DNMBP: variants seen among roughly 807,000 people sequenced by gnomAD.
The protein encoded by DNMBP is dynamin binding protein.
Under a neutral mutation model 150.0 loss-of-function variants are expected in DNMBP, and 87 were observed. The ratio of observed to expected loss-of-function variants is 0.58; its 90% CI spans 0.49 to 0.69. The LOEUF (loss-of-function observed/expected upper bound fraction) is 0.69, where lower values mean the gene tolerates loss of function less well. Ranked by LOEUF, DNMBP falls within the 30% of genes least tolerant of loss-of-function variation. DNMBP has a pLI of 0.00. For missense variants in DNMBP, 1,774 were observed against 1,949.0 expected (o/e 0.91, Z 1.69); for synonymous variants, 711 against 750.4 (o/e 0.95, Z 0.86).
At chr10:99,905,921 CAT>C (rs2039819537) in intron 6 of DNMBP, among the ~76,000 whole-genome samples, 1 of 152,122 alleles carries the variant, frequency 6.6e-6, no homozygotes, top group Non-Finnish European at 1.5e-5. Context: ...GGTGAGCTGT[CAT>C]TGTGCCACTG....
chr10:99,941,508 G>A (rs1166964997), intron 4 of DNMBP, among the ~76,000 whole-genome samples: 1 of 146,040 alleles, frequency 6.8e-6, no homozygotes, highest in Non-Finnish European at 1.5e-5. Flanking sequence ...CACTCTTGTT[G>A]CCCAGACTGG....
chr10:99,918,844 C>T (rs143341706), intron 4 of DNMBP, among the ~76,000 whole-genome samples: 1 of 152,236 alleles, frequency 6.6e-6, no homozygotes, highest in African/African-American at 2.4e-5. Context: ...TGAACACTCA[C>T]CAAATACACA....
intron 4 of DNMBP, among the ~76,000 whole-genome samples, chr10:99,915,073 A>C (rs1379986102): frequency 7.1e-6 from 1 of 139,916 alleles, no homozygotes; most frequent in Non-Finnish European, 1.5e-5. Context: ...CAGCCTGGGC[A>C]ACAAGTGTGA....
chr10:99,973,073 C>T (rs1724766818), intron 1 of DNMBP, among the ~76,000 whole-genome samples: 1 of 143,596 alleles, frequency 7.0e-6, no homozygotes, highest in Admixed American at 7.2e-5. Context: ...TGAGCCACTG[C>T]CTGCGGCATT....
chr10:99,933,839 C>T (rs2040190587), intron 4 of DNMBP, among the ~76,000 whole-genome samples: 1 of 152,208 alleles, frequency 6.6e-6, no homozygotes, highest in Non-Finnish European at 1.5e-5. Flanking sequence ...CAGGTTCACA[C>T]CATTCTCCTG....
At chr10:99,994,574 CCTCTA>C (rs1292212547) in intron 1 of DNMBP, among the ~76,000 whole-genome samples, 2 of 152,142 alleles carry the variant, frequency 1.3e-5, no homozygotes, top group Non-Finnish European at 2.9e-5. Flanking sequence ...TTGACGTGCC[CCTCTA>C]CTCTAAGCTC....
rs1371686123 is a variant in DNMBP, at chr10:99,877,342, T to TGAGG, written c.4549-10_4549-7dup. 11 of 1,597,696 alleles carry TGAGG rather than the reference T, an allele frequency of 6.9e-6. No individual in the cohort carries two copies. The highest frequency in any genetic ancestry group is 9.4e-6 in the Non-Finnish European group (11 of 1,171,676). On this transcript the variant is annotated splice_region_variant and splice_polypyrimidine_tract_variant and intron_variant, in intron 16 of 16. Transcript: ENST00000324109. ...GTGTAGACAGCAAAATAGACCTGTG[T>TGAGG]GAGGGAGAGAGAGAAAATGGGAAAT...
intron 15 of DNMBP, among the ~76,000 whole-genome samples, chr10:99,883,238 C>T (rs2039397345): frequency 6.6e-6 from 1 of 152,072 alleles, no homozygotes; most frequent in Non-Finnish European, 1.5e-5. Flanking sequence ...CTGTAAATCA[C>T]TCTCCCTCCA....
chr10:99,988,134 A>G (rs2040848731), intron 1 of DNMBP, among the ~76,000 whole-genome samples: 1 of 152,184 alleles, frequency 6.6e-6, no homozygotes, highest in Non-Finnish European at 1.5e-5. Context: ...TCCTGCGTCC[A>G]ATGAGATGAC....
At chr10:99,893,117 C>G (rs772871105) in intron 11 of DNMBP, among the ~76,000 whole-genome samples, 4 of 152,118 alleles carry the variant, frequency 2.6e-5, no homozygotes, top group South Asian at 2.1e-4. Context: ...TATTTTTTAC[C>G]TCTCTTGCAG....
intron 3 of DNMBP, among the ~76,000 whole-genome samples, chr10:99,962,460 T>C (rs771545201): frequency 6.6e-6 from 1 of 152,150 alleles, no homozygotes; most frequent in Non-Finnish European, 1.5e-5. Context: ...TGAAACCCTG[T>C]CTCTACTAAA....
intron 3 of DNMBP, among the ~76,000 whole-genome samples, chr10:99,963,235 A>ATT (rs922376664): frequency 1.3e-5 from 2 of 148,842 alleles, no homozygotes; most frequent in African/African-American, 4.9e-5. Context: ...TGCCCAGCTA[A>ATT]TTTTTTTTTT....
rs71009782 is a variant in DNMBP, at chr10:99,883,638, C to CAAAAAAAAAAAAAAA, written c.3997+358_3997+372dup. 4.4e-4 allele frequency among the ~76,000 whole-genome samples: 29 copies of CAAAAAAAAAAAAAAA among 65,616 alleles called. 1 individual carries two copies. Among genetic ancestry groups the CAAAAAAAAAAAAAAA allele is most frequent in the African/African-American group, 1.4e-3 (28 of 20,100 alleles). 43.0% of individuals were successfully genotyped at this position (65,616 alleles called of 152,430 possible). ...CCTGGATAACAGAGCAAGACTGCCA[C>CAAAAAAAAAAAAAAA]AAAAAAAAAAAAAAAAAAAAAAAAA... On this transcript the variant is annotated intron_variant, in intron 15 of 16. Transcript: ENST00000324109.
intron 4 of DNMBP, among the ~76,000 whole-genome samples, chr10:99,919,437 C>A (rs1403518878): frequency 6.6e-6 from 1 of 152,164 alleles, no homozygotes; most frequent in Non-Finnish European, 1.5e-5. Context: ...TTTTATATAT[C>A]TTTTACAACT....
chr10:100,002,127 T>C (rs564040484), intron 1 of DNMBP, among the ~76,000 whole-genome samples: 2 of 152,130 alleles, frequency 1.3e-5, no homozygotes, highest in Non-Finnish European at 2.9e-5. Flanking sequence ...AATGATATAG[T>C]GCAATGTTAA....
At chr10:99,990,772 T>TAC (rs1474833537) in intron 1 of DNMBP, among the ~76,000 whole-genome samples, 32 of 111,624 alleles carry the variant, frequency 2.9e-4, no homozygotes, top group Admixed American at 1.6e-3. Flanking sequence ...TACACATATA[T>TAC]ACACATATAT....
chr10:99,989,154 T>A (rs547858805), intron 1 of DNMBP, among the ~76,000 whole-genome samples: 2 of 152,344 alleles, frequency 1.3e-5, no homozygotes, highest in South Asian at 2.1e-4. Context: ...ATTATGTATA[T>A]CATTAATAGT....
intron 4 of DNMBP, among the ~76,000 whole-genome samples, chr10:99,915,108 A>AAAAAAATATATATAT (rs10654940): frequency 3.8e-4 from 38 of 99,774 alleles, no homozygotes; most frequent in Admixed American, 5.0e-4. Context: ...AAAAAAAAAA[A>AAAAAAATATATATAT]ATATATATAT....
chr10:99,997,098 C>T (rs990159776), intron 1 of DNMBP, among the ~76,000 whole-genome samples: 3 of 152,210 alleles, frequency 2.0e-5, no homozygotes, highest in East Asian at 1.9e-4. Context: ...TTAATGTAAA[C>T]TCATCCTCCT....
Sources: allele counts gnomAD v4.1 joint callset (sites outside exome capture counted in the v4.1 genomes callset), GRCh38; gene constraint gnomAD v4.1.1; transcripts MANE v1.5; gene names NCBI Gene and HGNC (gene_info 2026-07-23, HGNC 2026-07-21).